The following MUC5B variants were observed in gnomAD, a reference collection of about 807,000 sequenced individuals.
The protein encoded by MUC5B is mucin-5B.
MUC5B carries 116 observed loss-of-function variants against 376.9 expected under a neutral mutation model. The observed-to-expected ratio is 0.31, with a 90% CI of 0.26 to 0.36. The LOEUF (loss-of-function observed/expected upper bound fraction) is 0.36. MUC5B is among the 10% of genes least tolerant of loss of function. The pLI, the probability that MUC5B is intolerant of heterozygous loss-of-function variation, is 1.00. For missense variants in MUC5B, 7,165 were observed against 7,769.9 expected (o/e 0.92, Z 2.93); for synonymous variants, 3,517 against 3,390.9 (o/e 1.04, Z -1.29).
rs780720548 is a variant in MUC5B, at chr11:1,250,050, G to C, written c.13170G>C (p.Trp4390Cys). Residue 4390 changes from tryptophan (W) to cysteine (C), a missense_variant, in exon 31 of 49, where the codon TGG becomes TGC. By Grantham distance (215) the Trp-to-Cys change is radical (BLOSUM62 -2). Transcript: ENST00000529681. ...CCTCCTCCACTCCGGGGACGACCTGGATCCTCACAGAGCTGACCACAGCAG... is the reference window on the plus strand; with the variant it reads ...CCTCCTCCACTCCGGGGACGACCTGCATCCTCACAGAGCTGACCACAGCAG... ...STPSSTPGTTWILTELTTAAT... is the reference protein window; with the variant it reads ...STPSSTPGTTCILTELTTAAT... 3 of 1,609,286 alleles carry C rather than the reference G, an allele frequency of 1.9e-6. No individual in the cohort carries two copies. The highest frequency in any genetic ancestry group is 1.7e-6 in the Non-Finnish European group (2 of 1,177,682).
At chr11:1,232,863 G>GCCCAGAGCTTTGCACTTCCTCAT in intron 17 of MUC5B, 93 bp downstream of exon 17, 1 of 1,479,106 alleles carries the variant, frequency 6.8e-7, no homozygotes. Flanking sequence ...ACGGTTCTCA[G>GCCCAGAGCTTTGCACTTCCTCAT]CCCAGAGCTT....
rs766238646 is a variant in MUC5B, at chr11:1,233,276, T to A, written c.2321+8T>A. Reference sequence around the variant, plus strand: ...CGACGAGGGCGCCGTGTGGTAAGGGTCTGGGGGGAAAGCAGGCCCCCCAGG... The same window carrying A: ...CGACGAGGGCGCCGTGTGGTAAGGGACTGGGGGGAAAGCAGGCCCCCCAGG... On this transcript the variant is annotated splice_region_variant and intron_variant, in intron 18 of 48. Transcript: ENST00000529681. The A allele has an allele frequency of 6.5e-6, 10 of 1,539,272 alleles. No individual in the cohort carries two copies. Among genetic ancestry groups the A allele is most frequent in the Non-Finnish European group, 8.7e-6 (10 of 1,143,572 alleles).
rs1862531048 is a variant in MUC5B at position 1,247,638 on chromosome 11, C to G, written c.10758C>G (p.Pro3586=). The G allele has an allele frequency of 1.2e-6, 2 of 1,608,648 alleles. No individual in the cohort carries two copies. The highest frequency in any genetic ancestry group is 2.7e-5 in the African/African-American group (2 of 74,780). The change falls in exon 31 of 49, where the codon CCC becomes CCG. Residue 3586 remains proline (P), a synonymous_variant. Transcript: ENST00000529681. ...CAGAGTGGCTGGACTACAGCTACCC[C>G]ATGCCGGGGCCCTCTGGCGGGGACT... ...AWSEWLDYSY[P]MPGPSGGDFD...
In MUC5B at chr11:1,260,033, T is replaced by G. The variant is rs1188749313; in HGVS notation, c.16871T>G (p.Val5624Gly). ...TACCTCTGTGAGGCTGAGGGTGGAGTCCATTTGCTGACCCCACAGCCTGCA... is the reference window on the plus strand; with the variant it reads ...TACCTCTGTGAGGCTGAGGGTGGAGGCCATTTGCTGACCCCACAGCCTGCA... ...TVYLCEAEGG[V>G]HLLTPQPASC... Residue 5624 changes from valine (V) to glycine (G), a missense_variant, in exon 46 of 49, where the codon GTC (valine) becomes GGC (glycine). Transcript: ENST00000529681. The G allele has an allele frequency of 1.2e-6, 2 of 1,612,310 alleles. No individual in the cohort carries two copies.
Position 1,247,264 on chromosome 11 carries a change from A to G in MUC5B, c.10384A>G (p.Ser3462Gly). Reference protein sequence around the residue: ...ATTHGRSLPPSSPHTVRTAWT... With the variant: ...ATTHGRSLPPGSPHTVRTAWT... ...CACACACGGGCGGTCCCTGCCCCCC[A>G]GCAGTCCCCACACGGTGCGCACAGC... Residue 3462 changes from serine (S) to glycine (G), a missense_variant, in exon 31 of 49, where the codon AGC becomes GGC. Coordinates refer to ENST00000529681, the MANE Select transcript of MUC5B (RefSeq NM_002458.3). 1 of 1,611,924 alleles carries G rather than the reference A, an allele frequency of 6.2e-7. No homozygotes were observed.
chr11:1,250,205 C>T lies in MUC5B; in HGVS notation c.13325C>T (p.Ser4442Phe), dbSNP rs773978734. 10 of 1,609,578 alleles carry T rather than the reference C, an allele frequency of 6.2e-6. No homozygotes were observed. The highest frequency in any genetic ancestry group is 1.7e-5 in the Admixed American group (1 of 59,952). ...ASTGSTATPS[S>F]TPGTTWILTE... is the part of the protein sequence containing the mutation. ...ACTGGATCCACGGCCACCCCGTCCTCCACCCCAGGGACCACCTGGATCCTC... is the reference window on the plus strand; with the variant it reads ...ACTGGATCCACGGCCACCCCGTCCTTCACCCCAGGGACCACCTGGATCCTC... The change falls in exon 31 of 49, where the codon TCC becomes TTC. Residue 4442 changes from serine to phenylalanine, a missense_variant. By Grantham distance (155) the Ser-to-Phe change is radical. Around this residue, in one of 31 missense-constraint regions of MUC5B, gnomAD observed 431 missense variants for 390.4 expected, o/e 1.10. Coordinates refer to ENST00000529681, the MANE Select transcript of MUC5B (RefSeq NM_002458.3).
chr11:1,229,895 G>A, intron 10 of MUC5B, 88 bp downstream of exon 10: 1 of 1,545,692 alleles, frequency 6.5e-7, no homozygotes, highest in Non-Finnish European at 8.7e-7. Flanking sequence ...TGGGGTGGGG[G>A]TGTGGAGCTC....
At chr11:1,252,592 C>G (rs1358925644) in intron 32 of MUC5B, 68 bp downstream of exon 32, 9 of 1,438,598 alleles carry the variant, frequency 6.3e-6, no homozygotes, top group Non-Finnish European at 8.2e-6. Flanking sequence ...GAGGCACAGC[C>G]ACAGTCCAGC....
Position 1,248,504 on chromosome 11 carries a change from T to G in MUC5B, c.11624T>G (p.Val3875Gly). The G allele has an allele frequency of 6.3e-7, 1 of 1,595,972 alleles. No homozygotes were observed. The change falls in exon 31 of 49, where the codon GTC (valine) becomes GGC (glycine). Residue 3875 changes from valine to glycine, a missense_variant. Physicochemically the swap from Val to Gly is moderately radical, Grantham distance 109. Transcript: ENST00000529681. ...ACTACCACAACCACGGGCTTCACAG[T>G]CACCCCCTCCTCCAGCCCAGGGACG... ...VPTTTTTGFT[V>G]TPSSSPGTAR...
intron 3 of MUC5B, 109 bp downstream of exon 3, chr11:1,226,385 A>T: frequency 2.1e-6 from 3 of 1,398,388 alleles, no homozygotes; most frequent in Non-Finnish European, 2.0e-6. Flanking sequence ...GTTGGGCCAG[A>T]CCCAGAGTCC....
At position 1,241,706 on chromosome 11, in the gene MUC5B, C is replaced by T; in HGVS notation, c.4826C>T (p.Thr1609Ile). 1 of 1,612,394 alleles carries T rather than the reference C, an allele frequency of 6.2e-7. No individual in the cohort carries two copies. Among genetic ancestry groups the T allele is most frequent in the Non-Finnish European group, 8.5e-7 (1 of 1,179,664 alleles). Reference sequence around the variant, plus strand: ...GACCACTGCAGGGGACGTGCCACAACCCCGCCACCGACCACAGAGCTGGAG... The same window carrying T: ...GACCACTGCAGGGGACGTGCCACAATCCCGCCACCGACCACAGAGCTGGAG... ...SDDHCRGRATTPPPTTELETA... is the reference protein window; with the variant it reads ...SDDHCRGRATIPPPTTELETA... Residue 1609 changes from threonine to isoleucine, a missense_variant, in exon 31 of 49, where the codon ACC (threonine) becomes ATC (isoleucine). Thr to Ile is a moderately conservative substitution (Grantham distance 89). This residue lies in a region of MUC5B where 897 missense variants were observed against 779.6 expected (regional missense o/e 1.15). Coordinates refer to ENST00000529681, the MANE Select transcript of MUC5B (RefSeq NM_002458.3).
chr11:1,229,626 G>A lies in MUC5B; in HGVS notation c.1103-64G>A, dbSNP rs552776846. 57 of 1,368,044 alleles carry A rather than the reference G, an allele frequency of 4.2e-5. No individual in the cohort carries two copies. In the African/African-American group the frequency reaches 6.2e-4, roughly 15 times the overall value. 84.7% of individuals were successfully genotyped at this position (1,368,044 alleles called of 1,614,324 possible). A position where few individuals can be genotyped will look rare whatever the true frequency, so the allele number is the denominator to read the frequency against. On this transcript the variant is annotated intron_variant, in intron 9 of 48. Coordinates refer to ENST00000529681, the MANE Select transcript of MUC5B (RefSeq NM_002458.3). ...AGGGAGGCAGCTTGTCCCCAAGGCC[G>A]GTGTCTTCTGACCTTGGTGTCCCCC...
intron 17 of MUC5B, 97 bp downstream of exon 17, chr11:1,232,867 A>G: frequency 6.8e-7 from 1 of 1,474,498 alleles, no homozygotes; most frequent in African/African-American, 1.4e-5. Flanking sequence ...TTCTCAGCCC[A>G]GAGCTTTGCA....
At position 1,248,579 on chromosome 11, in the gene MUC5B, G is replaced by T. The variant is rs568668054; in HGVS notation, c.11699G>T (p.Ser3900Ile). The T allele has an allele frequency of 6.2e-7, 1 of 1,612,460 alleles. No homozygotes were observed. The highest frequency in any genetic ancestry group is 1.1e-5 in the South Asian group (1 of 91,020). Reference sequence around the variant, plus strand: ...AGCACAACCACCACACCCACAACCAGTGGCTCCACGGTGACCCCCTCCTCC... The same window carrying T: ...AGCACAACCACCACACCCACAACCATTGGCTCCACGGTGACCCCCTCCTCC... Reference protein sequence around the residue: ...WISTTTTPTTSGSTVTPSSVP... With the variant: ...WISTTTTPTTIGSTVTPSSVP... The change falls in exon 31 of 49, where the codon AGT becomes ATT. Residue 3900 changes from serine to isoleucine, a missense_variant. Around this residue, in one of 31 missense-constraint regions of MUC5B, gnomAD observed 242 missense variants for 199.0 expected, o/e 1.22. Transcript: ENST00000529681.
rs1290824708 is a variant in MUC5B at position 1,253,878 on chromosome 11, C to G, written c.15218-214C>G. ...CATCTGCAAAGACACTTTCTCCCGG[C>G]AAAGCCACATGCGGAGGTTCTGGGA... On this transcript the variant is annotated intron_variant, in intron 33 of 48. Coordinates refer to ENST00000529681, the MANE Select transcript of MUC5B (RefSeq NM_002458.3). The surrounding 1 kb of genome is among the most constrained non-coding windows in gnomAD (Gnocchi z 4.3). Among the ~76,000 whole-genome samples, 1 of 152,234 alleles carries G rather than the reference C, an allele frequency of 6.6e-6. No individual in the cohort carries two copies. The highest frequency in any genetic ancestry group is 2.4e-5 in the African/African-American group (1 of 41,462).
At chr11:1,229,952 TGG>T in intron 10 of MUC5B, 51 bp from the exon 11 acceptor site, 2 of 1,557,216 alleles carry the variant, frequency 1.3e-6, no homozygotes, top group Non-Finnish European at 1.7e-6. Context: ...GTGTGGAGGG[TGG>T]GGCCCACCTC....
Position 1,238,988 on chromosome 11 carries a change from G to A in MUC5B, c.3415G>A (p.Ala1139Thr), listed in dbSNP as rs1312012607. The change falls in exon 26 of 49, where the codon GCG becomes ACG. Residue 1139 changes from alanine (A) to threonine (T), a missense_variant. By Grantham distance (58) the Ala-to-Thr change is moderately conservative. Coordinates refer to ENST00000529681, the MANE Select transcript of MUC5B (RefSeq NM_002458.3). ...TGCCTACGCCCAGGCCTGCCACGAC[G>A]CGGGCCTGTGTGTGTCCTGGCGGAC... is the stretch of plus-strand genomic sequence containing the variant. ...VAAYAQACHD[A>T]GLCVSWRTPD... 19 of 1,571,254 alleles carry A rather than the reference G, an allele frequency of 1.2e-5. No homozygotes were observed. The highest frequency in any genetic ancestry group is 1.9e-5 in the Admixed American group (1 of 53,622).
rs952708131 is a variant in MUC5B at position 1,251,087 on chromosome 11, C to T, written c.14207C>T (p.Pro4736Leu). 6.2e-6 allele frequency: 10 copies of T among 1,611,410 alleles called. No individual in the cohort carries two copies. Among genetic ancestry groups the T allele is most frequent in the Non-Finnish European group, 8.5e-6 (10 of 1,178,286 alleles). Residue 4736 changes from proline (P) to leucine (L), a missense_variant, in exon 31 of 49, where the codon CCA becomes CTA. Coordinates refer to ENST00000529681, the MANE Select transcript of MUC5B (RefSeq NM_002458.3). ...AGTCCAAGGACTGCAACCACCCTTC[C>T]AGTGCTGACAAGCACAGCCACAAAA... ...SSSPRTATTLPVLTSTATKST... is the reference protein window; with the variant it reads ...SSSPRTATTLLVLTSTATKST...
intron 10 of MUC5B, 83 bp downstream of exon 10, chr11:1,229,890 T>C: frequency 6.5e-7 from 1 of 1,541,542 alleles, no homozygotes; most frequent in Non-Finnish European, 8.8e-7. Context: ...CTGCCTGGGG[T>C]GGGGGTGTGG....
Sources: allele counts gnomAD v4.1 joint callset (sites outside exome capture counted in the v4.1 genomes callset), GRCh38; gene constraint gnomAD v4.1.1; regional missense constraint gnomAD v4.1.1; non-coding constraint Gnocchi (gnomAD v3.1); transcripts MANE v1.5; gene names NCBI Gene and HGNC (gene_info 2026-07-23, HGNC 2026-07-21).